TPX2: variants seen among roughly 807,000 people sequenced by gnomAD.
TPX2 encodes TPX2 microtubule nucleation factor.
In TPX2, 21 loss-of-function variants were observed where a neutral mutation model predicts 93.6. The ratio of observed to expected loss-of-function variants is 0.22; its 90% CI spans 0.16 to 0.32. The LOEUF is 0.32. TPX2 is among the 10% of genes least tolerant of loss of function. TPX2 has a pLI of 1.00. For synonymous variants in TPX2, 281 were observed against 298.3 expected (o/e 0.94, Z 0.60); for missense variants, 776 against 871.1 (o/e 0.89, Z 1.37).
At chr20:31,760,791 G>T (rs930203437) in intron 4 of TPX2, among the ~76,000 whole-genome samples, 4 of 152,184 alleles carry the variant, frequency 2.6e-5, no homozygotes, top group African/African-American at 7.2e-5. Context: ...CATTGTACAA[G>T]AATTCTTTGA....
intron 13 of TPX2, 63 bp downstream of exon 13, chr20:31,792,893 T>C: frequency 2.1e-6 from 3 of 1,457,664 alleles, no homozygotes; most frequent in South Asian, 1.1e-5. Context: ...CTAAGCCTTA[T>C]CATTTATTAA....
intron 17 of TPX2, 152 bp from the exon 18 acceptor site, chr20:31,800,818 G>A: frequency 1.5e-6 from 1 of 665,010 alleles, no homozygotes; most frequent in South Asian, 1.8e-5. Context: ...ATCATACCGT[G>A]TTGCCCCCCA....
chr20:31,778,174 A>G (rs953824765), intron 9 of TPX2, among the ~76,000 whole-genome samples: 1 of 152,214 alleles, frequency 6.6e-6, no homozygotes, highest in South Asian at 2.1e-4. Flanking sequence ...AATAATCGTT[A>G]AGTAAAAATG....
intron 11 of TPX2, among the ~76,000 whole-genome samples, chr20:31,782,763 T>C (rs6087779): frequency 0.37 from 56,310 of 151,794 alleles, 12,587 homozygotes; most frequent in African/African-American, 0.62. Flanking sequence ...CATGGTGGCA[T>C]GCGTCTGTAG....
At chr20:31,754,652 C>A (rs2061840603) in intron 2 of TPX2, among the ~76,000 whole-genome samples, 1 of 151,994 alleles carries the variant, frequency 6.6e-6, no homozygotes, top group African/African-American at 2.4e-5. Flanking sequence ...CCCAGCAGTT[C>A]CACCTCTTAA....
intron 4 of TPX2, among the ~76,000 whole-genome samples, chr20:31,764,089 A>G (rs983789433): frequency 2.1e-5 from 3 of 144,464 alleles, no homozygotes; most frequent in East Asian, 1.9e-4. Flanking sequence ...AAGCATATAT[A>G]TATGTACATA....
rs1345139915 is a variant in TPX2, at chr20:31,776,067, T to G, written c.730+79T>G. On this transcript the variant is annotated intron_variant, in intron 8 of 17. Transcript: ENST00000300403. ...TGGTAGGTGTTTTTTTTTTTTTTTT[T>G]TTTTTTTTTTTTTTTTTTTTTTTTG... is the stretch of plus-strand genomic sequence containing the variant. 19 of 508,226 alleles carry G rather than the reference T, an allele frequency of 3.7e-5. No individual in the cohort carries two copies. In the African/African-American group the frequency reaches 1.8e-3, roughly 47 times the overall value. 31.5% of individuals were successfully genotyped at this position (508,226 alleles called of 1,614,324 possible).
At chr20:31,777,672 C>G (rs760831117) in intron 9 of TPX2, 34 bp downstream of exon 9, 1 of 1,598,972 alleles carries the variant, frequency 6.3e-7, no homozygotes. Flanking sequence ...ATTTCTGTTA[C>G]TAATATTCAT....
intron 5 of TPX2, among the ~76,000 whole-genome samples, chr20:31,768,213 C>T (rs1189546761): frequency 6.6e-6 from 1 of 150,678 alleles, no homozygotes; most frequent in East Asian, 2.0e-4. Context: ...AGATTACAGG[C>T]GTGAGCCACC....
In TPX2 at chr20:31,791,960, A is replaced by G. The variant is rs190963958; in HGVS notation, c.1414-775A>G. On this transcript the variant is annotated intron_variant, in intron 12 of 17. Transcript: ENST00000300403. ...GTGAATCAAAAAATGCTGTGGAACA[A>G]CTCTCTAAAATGTGTTAGTTTTAAA... 8.5e-5 allele frequency among the ~76,000 whole-genome samples: 13 copies of G among 152,292 alleles called. No individual in the cohort carries two copies. The East Asian group carries it at 2.1e-3, about 25-fold the overall frequency.
chr20:31,794,788 GTGTA>G (rs778800951), intron 15 of TPX2, among the ~76,000 whole-genome samples: 2 of 150,758 alleles, frequency 1.3e-5, no homozygotes, highest in Non-Finnish European at 3.0e-5. Context: ...GTGTGTGTGT[GTGTA>G]TGTGTGTGTG....
intron 2 of TPX2, among the ~76,000 whole-genome samples, chr20:31,747,028 T>C (rs1205809868): frequency 6.6e-6 from 1 of 152,122 alleles, no homozygotes; most frequent in African/African-American, 2.4e-5. Context: ...TCCAGAGCGC[T>C]CTCTGTTAAT....
intron 4 of TPX2, among the ~76,000 whole-genome samples, chr20:31,763,064 T>C (rs914181104): frequency 2.6e-5 from 4 of 152,372 alleles, no homozygotes; most frequent in East Asian, 1.9e-4. Context: ...CATGCTGTTA[T>C]GGTTACTATA....
At chr20:31,762,495 G>C (rs182664384) in intron 4 of TPX2, among the ~76,000 whole-genome samples, 1 of 151,850 alleles carries the variant, frequency 6.6e-6, no homozygotes. Context: ...GACTACAGGC[G>C]CGCACCACCA....
intron 2 of TPX2, among the ~76,000 whole-genome samples, chr20:31,752,895 C>T (rs1037161693): frequency 1.8e-4 from 28 of 152,124 alleles, no homozygotes; most frequent in African/African-American, 6.7e-4. Context: ...GTTACAGGTG[C>T]GAGCCACTGA....
At chr20:31,794,358 C>A (rs912599792) in intron 14 of TPX2, 44 bp from the exon 15 acceptor site, 11 of 1,595,006 alleles carry the variant, frequency 6.9e-6, no homozygotes, top group Non-Finnish European at 9.4e-6. Flanking sequence ...CTATTGCTTT[C>A]CAGCTAGTCT....
intron 5 of TPX2, 89 bp downstream of exon 5, chr20:31,766,771 G>T: frequency 6.4e-6 from 7 of 1,088,118 alleles, no homozygotes; most frequent in Non-Finnish European, 6.3e-6. Flanking sequence ...TGTCTATACT[G>T]TGTTTATGGA....
intron 4 of TPX2, among the ~76,000 whole-genome samples, chr20:31,765,307 T>C (rs2061917663): frequency 8.2e-6 from 1 of 122,360 alleles, no homozygotes; most frequent in Non-Finnish European, 1.7e-5. Context: ...TATATAATAT[T>C]GAAAAGCAAA....
intron 2 of TPX2, among the ~76,000 whole-genome samples, chr20:31,744,936 A>G (rs796490869): frequency 2.0e-5 from 3 of 152,098 alleles, no homozygotes; most frequent in Admixed American, 6.5e-5. Context: ...AAAATACACA[A>G]ATTAGCCAGG....
Sources: gnomAD v4.1 joint callset for allele counts (sites outside exome capture counted in the v4.1 genomes callset) on GRCh38, gnomAD v4.1.1 for gene constraint, MANE v1.5 for transcripts, NCBI Gene and HGNC (gene_info 2026-07-23, HGNC 2026-07-21) for gene names.